Variants in HLCS observed in about 807,000 individuals in gnomAD.
HLCS encodes holocarboxylase synthetase.
In HLCS, 53 loss-of-function variants were observed where a neutral mutation model predicts 75.0. The observed-to-expected ratio is 0.71, with a 90% confidence interval of 0.57 to 0.89. The LOEUF (loss-of-function observed/expected upper bound fraction) is 0.89. HLCS is among the 40% of genes least tolerant of loss of function. The pLI, the probability that HLCS is intolerant of heterozygous loss-of-function variation, is 0.00. For synonymous variants in HLCS, 431 were observed against 428.6 expected (o/e 1.01, Z -0.07); for missense variants, 966 against 1,074.0 (o/e 0.90, Z 1.41).
At chr21:36,957,737 G>A (rs1329710561) in intron 2 of HLCS, among the ~76,000 whole-genome samples, 2 of 149,252 alleles carry the variant, frequency 1.3e-5, no homozygotes, top group East Asian at 2.0e-4. Context: ...AAATCATCCC[G>A]ACTAACATGG....
At chr21:36,812,215 T>C (rs2187305) in intron 6 of HLCS, among the ~76,000 whole-genome samples, 6,353 of 152,272 alleles carry the variant, frequency 0.042, 429 homozygotes, top group African/African-American at 0.14. Context: ...ATCAACTCTG[T>C]ATCAAATCTT....
At chr21:36,770,537 A>AT (rs1380324435) in intron 6 of HLCS, among the ~76,000 whole-genome samples, 1 of 151,142 alleles carries the variant, frequency 6.6e-6, no homozygotes, top group Admixed American at 6.6e-5. Flanking sequence ...CTATATTAAG[A>AT]TTTTTTTTCT....
rs916841424 is a variant in HLCS at position 36,759,485 on chromosome 21, G to C, written c.2236+242C>G. Among the ~76,000 whole-genome samples the C allele has an allele frequency of 8.5e-5, 13 of 152,298 alleles. 1 individual carries two copies. The highest frequency in any genetic ancestry group is 1.3e-4 in the Admixed American group (2 of 15,308). On this transcript the variant is annotated intron_variant, in intron 9 of 10. Transcript: ENST00000674895. Reference sequence around the variant, plus strand: ...AGTAGCAGGAGTGTGGAAGGATGTAGGAACATACCTGTTTGATGTGATACC... The same window carrying C: ...AGTAGCAGGAGTGTGGAAGGATGTACGAACATACCTGTTTGATGTGATACC...
rs1313203276 is a variant in HLCS at position 36,838,707 on chromosome 21, A to AG, written c.1892+58152dup. Reference sequence around the variant, plus strand: ...CGACAGAGCGAGACTCCGTCTCAAAAGAAAAAAAAAAAAAAAGAGAGAGAC... The same window carrying AG: ...CGACAGAGCGAGACTCCGTCTCAAAAGGAAAAAAAAAAAAAAAGAGAGAGAC... On this transcript the variant is annotated intron_variant, in intron 6 of 10. Transcript: ENST00000674895. Among the ~76,000 whole-genome samples the AG allele has an allele frequency of 1.5e-3, 201 of 134,628 alleles. 2 individuals carry two copies. Among genetic ancestry groups the AG allele is most frequent in the African/African-American group, 5.5e-3 (194 of 35,160 alleles). The allele number at this position is 134,628 out of a possible 152,430, so 88.3% of individuals were successfully genotyped here.
At chr21:36,888,517 G>A (rs1313121817) in intron 6 of HLCS, among the ~76,000 whole-genome samples, 2 of 125,382 alleles carry the variant, frequency 1.6e-5, no homozygotes. Flanking sequence ...TATTTTATGG[G>A]ATTGTGTTTC....
rs745398130 is a variant in HLCS at position 36,750,122 on chromosome 21, A to G, written c.*4124T>C. The stretch of plus-strand genomic sequence containing the variant: ...ACCTAATATTGTGACCTCCATCTTG[A>G]AGAGTCTGCACATTTAAGCTGGGGA... On this transcript the variant is annotated 3_prime_UTR_variant, in exon 11 of 11. Transcript: ENST00000674895. Among the ~76,000 whole-genome samples the G allele has an allele frequency of 6.6e-6, 1 of 152,234 alleles. No individual in the cohort carries two copies. Among genetic ancestry groups the G allele is most frequent in the Non-Finnish European group, 1.5e-5 (1 of 68,044 alleles).
In HLCS at chr21:36,966,425, G is replaced by GGGGCCCCCCC; in HGVS notation, c.195+18_195+19insGGGGGGGCCC. 8.2e-5 allele frequency: 16 copies of GGGGCCCCCCC among 195,434 alleles called. No individual in the cohort carries two copies. The highest frequency in any genetic ancestry group is 1.4e-4 in the Non-Finnish European group (16 of 116,686). The allele number at this position is 195,434 out of a possible 1,614,324, so 12.1% of individuals were successfully genotyped here. On this transcript the variant is annotated intron_variant, in intron 1 of 10. Coordinates refer to ENST00000674895, the MANE Select transcript of HLCS (RefSeq NM_001352514.2). ...CCGGCTCGCGGGGCCCGGGTCGCCC[G>GGGGCCCCCCC]CCCGCCCGACCCGCCCACCTGGCTG...
At chr21:36,930,506 TTTTC>T in intron 4 of HLCS, 73 bp from the exon 5 acceptor site, 1 of 1,296,082 alleles carries the variant, frequency 7.7e-7, no homozygotes, top group Non-Finnish European at 1.1e-6. Flanking sequence ...TCTTTTTTCT[TTTTC>T]TTTTTTTTTT....
chr21:36,757,018 T>A, intron 9 of HLCS: 6 of 896,614 alleles, frequency 6.7e-6, no homozygotes, highest in Non-Finnish European at 8.0e-6. Flanking sequence ...AAGCCACATT[T>A]GATTCAATTT....
chr21:36,838,596 C>T (rs2062502729), intron 6 of HLCS, among the ~76,000 whole-genome samples: 2 of 151,528 alleles, frequency 1.3e-5, no homozygotes, highest in South Asian at 2.1e-4. Context: ...CGCAGCTACT[C>T]GGGAGGCTGA....
Position 36,936,825 on chromosome 21 carries a change from C to CT in HLCS, c.1060dup (p.Arg354LysfsTer70), listed in dbSNP as rs1211466421. ...CAGACAGTTGTCCGTCCACGGGTCT[C>CT]TGAGAGCACTGTCCTCCAGCAGGTG... On this transcript the variant is annotated frameshift_variant, in exon 4 of 11. Coordinates refer to ENST00000674895, the MANE Select transcript of HLCS (RefSeq NM_001352514.2). LOFTEE classifies it high-confidence loss of function. 6.2e-7 allele frequency: 1 copy of CT among 1,614,186 alleles called. No individual in the cohort carries two copies. The highest frequency in any genetic ancestry group is 2.2e-5 in the East Asian group (1 of 44,882).
chr21:36,759,735 A>T lies in HLCS; in HGVS notation c.2228T>A (p.Ile743Lys), dbSNP rs2145744106. ...AGGTTTTTGAAACTTACCAATAAGT[A>T]TATAAAATGTTTCTCCCATGAGTGT... The part of the protein sequence containing the change: ...NSTLMGETFY[I>K]LIGCGFNVTN... Residue 743 changes from isoleucine (I) to lysine (K), a missense_variant, in exon 9 of 11, where the codon ATA becomes AAA. Transcript: ENST00000674895. The T allele has an allele frequency of 6.4e-7, 1 of 1,572,084 alleles. No homozygotes were observed. Among genetic ancestry groups the T allele is most frequent in the Non-Finnish European group, 8.8e-7 (1 of 1,141,590 alleles).
chr21:36,796,812 AC>A (rs1027929876), intron 6 of HLCS, among the ~76,000 whole-genome samples: 93 of 152,328 alleles, frequency 6.1e-4, no homozygotes, highest in African/African-American at 2.1e-3. Context: ...ACCTACAGAA[AC>A]AAAAATAATC....
At chr21:36,955,215 C>CAGTG (rs2067876517) in intron 2 of HLCS, among the ~76,000 whole-genome samples, 3 of 152,120 alleles carry the variant, frequency 2.0e-5, no homozygotes, top group Admixed American at 2.0e-4. Context: ...CAGTGAAAGT[C>CAGTG]AGTGATACTG....
chr21:36,820,978 G>A (rs1388128290), intron 6 of HLCS, among the ~76,000 whole-genome samples: 1 of 152,190 alleles, frequency 6.6e-6, no homozygotes, highest in Non-Finnish European at 1.5e-5. Context: ...CTGGACTAGT[G>A]CCAGCCCTAG....
intron 2 of HLCS, among the ~76,000 whole-genome samples, chr21:36,944,674 C>G (rs985449943): frequency 6.6e-6 from 1 of 152,088 alleles, no homozygotes; most frequent in African/African-American, 2.4e-5. Context: ...ACTAAGTGGA[C>G]AGTTGGCTTA....
intron 6 of HLCS, among the ~76,000 whole-genome samples, chr21:36,883,096 C>G (rs1601616347): frequency 6.6e-6 from 1 of 152,280 alleles, no homozygotes; most frequent in South Asian, 2.1e-4. Flanking sequence ...ACGGAATACC[C>G]CTCATGCAGA....
intron 2 of HLCS, among the ~76,000 whole-genome samples, chr21:36,958,199 C>T (rs1277152727): frequency 6.7e-6 from 1 of 149,806 alleles, no homozygotes; most frequent in African/African-American, 2.5e-5. Context: ...GCCGAGATCG[C>T]GCCACTGCAC....
At chr21:36,950,406 A>G (rs965636866) in intron 2 of HLCS, among the ~76,000 whole-genome samples, 17 of 152,128 alleles carry the variant, frequency 1.1e-4, no homozygotes, top group Non-Finnish European at 2.5e-4. Context: ...TGCATTGAAC[A>G]TAGATAAAAA....
Sources: gnomAD v4.1 joint callset for allele counts (sites outside exome capture counted in the v4.1 genomes callset) on GRCh38, gnomAD v4.1.1 for gene constraint, MANE v1.5 for transcripts, NCBI Gene and HGNC (gene_info 2026-07-23, HGNC 2026-07-21) for gene names.